Variants in LIPN observed in about 807,000 individuals in gnomAD.
LIPN encodes lipase member N.
Under a neutral mutation model 43.7 loss-of-function variants are expected in LIPN, and 32 were observed. That is an observed-to-expected ratio of 0.73 (90% CI 0.55 to 0.98). The LOEUF is 0.98. Among genes scored for constraint, LIPN ranks in the 50% least tolerant of loss-of-function variants. The pLI is 0.00. For missense variants in LIPN, 505 were observed against 483.8 expected (o/e 1.04, Z -0.41); for synonymous variants, 156 against 157.6 (o/e 0.99, Z 0.08).
chr10:88,778,028 A>T lies in LIPN; in HGVS notation c.983A>T (p.Asp328Val). Residue 328 changes from aspartate (D) to valine (V), a missense_variant, in exon 10 of 10, where the codon GAC becomes GTC. Physicochemically the swap from Asp to Val is radical, Grantham distance 152. Transcript: ENST00000404459. ...HYNQSHPPIYDLTAMKVPTAI... is the reference protein window; with the variant it reads ...HYNQSHPPIYVLTAMKVPTAI... ...CCACAGAGTCATCCCCCTATATATG[A>T]CCTGACTGCCATGAAAGTGCCTACT... 6.2e-7 allele frequency: 1 copy of T among 1,612,312 alleles called. No homozygotes were observed. Among genetic ancestry groups the T allele is most frequent in the Non-Finnish European group, 8.5e-7 (1 of 1,178,762 alleles).
In LIPN at chr10:88,762,199, C is replaced by T; in HGVS notation, c.120C>T (p.Ile40=). The T allele has an allele frequency of 3.2e-6, 5 of 1,584,676 alleles. No homozygotes were observed. Among genetic ancestry groups the T allele is most frequent in the Non-Finnish European group, 4.3e-6 (5 of 1,156,730 alleles). ...TTTTTACTGGGCAGAGTGAAATCAT[C>T]ATCTACAATGGCTACCCCAGTGAAG... is the stretch of plus-strand genomic sequence containing the variant. ...PEVWMNTSEI[I]IYNGYPSEEY... Residue 40 remains isoleucine, a synonymous_variant, in exon 3 of 10, where the codon ATC becomes ATT. Coordinates refer to ENST00000404459, the MANE Select transcript of LIPN (RefSeq NM_001102469.2).
chr10:88,775,683 A>T (rs879878601), intron 9 of LIPN, among the ~76,000 whole-genome samples: 6 of 152,076 alleles, frequency 3.9e-5, no homozygotes, highest in Admixed American at 1.3e-4. Context: ...ATCTTTCTCC[A>T]TATAGCTTTA....
intron 7 of LIPN, among the ~76,000 whole-genome samples, chr10:88,772,726 A>G (rs1843230534): frequency 6.6e-6 from 1 of 151,682 alleles, no homozygotes; most frequent in African/African-American, 2.4e-5. Context: ...AGAATCTTAT[A>G]TTTAGAAAAA....
chr10:88,757,825 T>C (rs1842945457), upstream of LIPN, among the ~76,000 whole-genome samples: 1 of 152,150 alleles, frequency 6.6e-6, no homozygotes, highest in Non-Finnish European at 1.5e-5. Context: ...TTATGGACAC[T>C]TATGGTTCTA....
intron 9 of LIPN, among the ~76,000 whole-genome samples, chr10:88,777,386 A>T (rs990404296): frequency 6.6e-6 from 1 of 151,936 alleles, no homozygotes; most frequent in African/African-American, 2.4e-5. Flanking sequence ...GACCATTTCT[A>T]TGGCTTATCT....
At chr10:88,759,023 C>T (rs58881587), upstream of LIPN, among the ~76,000 whole-genome samples, 1,292 of 152,134 alleles carry the variant, frequency 8.5e-3, 17 homozygotes, top group African/African-American at 0.03. Context: ...ATACCTATGC[C>T]ATCATACTAT....
At chr10:88,761,865 G>A (rs1431600003) in intron 2 of LIPN, among the ~76,000 whole-genome samples, 1 of 151,758 alleles carries the variant, frequency 6.6e-6, no homozygotes, top group Non-Finnish European at 1.5e-5. Context: ...TGATGTACAT[G>A]ATTGCCTTCT....
chr10:88,772,569 T>G (rs1322656901), intron 7 of LIPN, among the ~76,000 whole-genome samples: 1 of 151,954 alleles, frequency 6.6e-6, no homozygotes, highest in African/African-American at 2.4e-5. Context: ...ACTATAAATG[T>G]GTGGGTTTAT....
chr10:88,766,100 G>A (rs749755930), intron 4 of LIPN, among the ~76,000 whole-genome samples, 169 bp from the exon 5 acceptor site: 2 of 151,746 alleles, frequency 1.3e-5, no homozygotes, highest in Non-Finnish European at 1.5e-5. Flanking sequence ...TACATATGCA[G>A]AAAAACAAAA....
intron 5 of LIPN, among the ~76,000 whole-genome samples, 155 bp from the exon 6 acceptor site, chr10:88,768,637 C>T (rs904667296): frequency 6.6e-6 from 1 of 151,860 alleles, no homozygotes; most frequent in African/African-American, 2.4e-5. Flanking sequence ...AGACTGAAGG[C>T]AGATTATCTT....
chr10:88,766,463 T>G (rs1445755109), intron 5 of LIPN, 85 bp downstream of exon 5: 1 of 820,488 alleles, frequency 1.2e-6, no homozygotes, highest in African/African-American at 1.7e-5. Context: ...TATGTTGGAA[T>G]AAAACAACTG....
rs1843333265 is a variant in LIPN at position 88,778,408 on chromosome 10, T to A, written c.*166T>A. 6.6e-6 allele frequency among the ~76,000 whole-genome samples: 1 copy of A among 152,098 alleles called. No individual in the cohort carries two copies. Among genetic ancestry groups the A allele is most frequent in the African/African-American group, 2.4e-5 (1 of 41,428 alleles). On this transcript the variant is annotated 3_prime_UTR_variant, in exon 10 of 10. Coordinates refer to ENST00000404459, the MANE Select transcript of LIPN (RefSeq NM_001102469.2). ...TTAGTGTTATTTATGTTTAGAGACATCTTTGCATGGGACCATCTACAGGTC... is the reference window on the plus strand; with the variant it reads ...TTAGTGTTATTTATGTTTAGAGACAACTTTGCATGGGACCATCTACAGGTC...
chr10:88,777,687 G>T (rs1470356806), intron 9 of LIPN, among the ~76,000 whole-genome samples: 1 of 151,498 alleles, frequency 6.6e-6, no homozygotes, highest in Non-Finnish European at 1.5e-5. Flanking sequence ...CATCTCTGCT[G>T]TCAAAATGCA....
Position 88,778,174 on chromosome 10 carries a change from G to C in LIPN, c.1129G>C (p.Val377Leu), listed in dbSNP as rs1250573629. Residue 377 changes from valine (V) to leucine (L), a missense_variant, in exon 10 of 10, where the codon GTC becomes CTC. Coordinates refer to ENST00000404459, the MANE Select transcript of LIPN (RefSeq NM_001102469.2). Reference protein sequence around the residue: ...LLPDWNHFDFVWGLDAPQRMY... With the variant: ...LLPDWNHFDFLWGLDAPQRMY... ...GCCAGATTGGAACCACTTTGATTTT[G>C]TCTGGGGCCTCGATGCCCCTCAACG... is the stretch of plus-strand genomic sequence containing the variant. 1.2e-6 allele frequency: 2 copies of C among 1,613,268 alleles called. No individual in the cohort carries two copies. Among genetic ancestry groups the C allele is most frequent in the Non-Finnish European group, 1.7e-6 (2 of 1,179,650 alleles).
At chr10:88,768,701 G>C in intron 5 of LIPN, 91 bp from the exon 6 acceptor site, 2 of 1,050,374 alleles carry the variant, frequency 1.9e-6, no homozygotes. Flanking sequence ...CACGATAGAA[G>C]GAAAAAATGA....
intron 8 of LIPN, among the ~76,000 whole-genome samples, 188 bp from the exon 9 acceptor site, chr10:88,774,904 A>T (rs570761702): frequency 6.6e-6 from 1 of 151,574 alleles, no homozygotes; most frequent in South Asian, 2.1e-4. Flanking sequence ...TTTCCTTTAA[A>T]CCAAGGGGGG....
intron 5 of LIPN, among the ~76,000 whole-genome samples, chr10:88,767,007 C>G (rs1843112969): frequency 6.6e-6 from 1 of 151,856 alleles, no homozygotes. Context: ...AATTTACTTA[C>G]TTTACTTAAT....
chr10:88,770,966 G>C lies in LIPN; in HGVS notation c.794G>C (p.Gly265Ala). Residue 265 changes from glycine to alanine, a missense_variant, in exon 7 of 10, where the codon GGA becomes GCA. Physicochemically the swap from Gly to Ala is moderately conservative, Grantham distance 60. Transcript: ENST00000404459. ...ICSEFMSLWA[G>A]SNKKNMNQSR... is the part of the protein sequence containing the mutation. ...AGCGAATTTATGTCCTTATGGGCTG[G>C]ATCCAACAAGAAAAATATGAATCAG... The C allele has an allele frequency of 6.4e-7, 1 of 1,572,118 alleles. No homozygotes were observed. The highest frequency in any genetic ancestry group is 8.6e-7 in the Non-Finnish European group (1 of 1,156,744).
intron 6 of LIPN, 120 bp downstream of exon 6, chr10:88,769,048 C>A: frequency 1.0e-6 from 1 of 985,662 alleles, no homozygotes; most frequent in South Asian, 1.7e-5. Flanking sequence ...AGAACTTAGA[C>A]TCTGTGGGTA....
Sources: gnomAD v4.1 joint callset for allele counts (sites outside exome capture counted in the v4.1 genomes callset) on GRCh38, gnomAD v4.1.1 for gene constraint, MANE v1.5 for transcripts, NCBI Gene and HGNC (gene_info 2026-07-23, HGNC 2026-07-21) for gene names.